The following JARID2 variants were observed in gnomAD, a reference collection of about 807,000 sequenced individuals.
JARID2 encodes jumonji and AT-rich interaction domain containing 2, also known as protein Jumonji.
JARID2 carries 21 observed loss-of-function variants against 125.6 expected under a neutral mutation model. That is an observed-to-expected ratio of 0.17 (90% CI 0.12 to 0.24). The LOEUF (loss-of-function observed/expected upper bound fraction) is 0.24, where lower values mean the gene tolerates loss of function less well. Among genes scored for constraint, JARID2 ranks in the 10% least tolerant of loss-of-function variants. The pLI, the probability that JARID2 is intolerant of heterozygous loss-of-function variation, is 1.00. For synonymous variants in JARID2, 736 were observed against 661.6 expected (o/e 1.11, Z -1.73); for missense variants, 1,303 against 1,639.6 (o/e 0.79, Z 3.55).
At chr6:15,437,418 T>C (rs1017881040) in intron 3 of JARID2, among the ~76,000 whole-genome samples, 1 of 152,232 alleles carries the variant, frequency 6.6e-6, no homozygotes, top group African/African-American at 2.4e-5. Flanking sequence ...CCTTATGCAC[T>C]GTCCTTTACG....
At chr6:15,390,192 T>G (rs1764945009) in intron 2 of JARID2, among the ~76,000 whole-genome samples, 1 of 152,190 alleles carries the variant, frequency 6.6e-6, no homozygotes, top group Non-Finnish European at 1.5e-5. Context: ...CCACTTGCAT[T>G]TCAGTCTGAT....
chr6:15,449,715 G>A (rs185388229), intron 3 of JARID2, among the ~76,000 whole-genome samples: 34 of 152,020 alleles, frequency 2.2e-4, no homozygotes, highest in Non-Finnish European at 1.5e-4. Flanking sequence ...GACCTACATT[G>A]TTTGTAGATT....
At position 15,501,240 on chromosome 6, in the gene JARID2, T is replaced by C. The variant is rs762172293; in HGVS notation, c.2279T>C (p.Leu760Pro). Residue 760 changes from leucine (L) to proline (P), a missense_variant, in exon 8 of 18, where the codon CTC (leucine) becomes CCC (proline). Leu to Pro is a moderately conservative substitution (Grantham distance 98). Transcript: ENST00000341776. ...CCCCGCTTCGAGCCCAAGAATGGGC[T>C]CATCCACGGCGTGGCCCCCAGGAAC... ...PLPRFEPKNG[L>P]IHGVAPRNGF... 6.2e-7 allele frequency: 1 copy of C among 1,613,700 alleles called. No individual in the cohort carries two copies. The highest frequency in any genetic ancestry group is 1.7e-5 in the Admixed American group (1 of 60,016).
chr6:15,473,514 G>GGCCC lies in JARID2; in HGVS notation c.670+4796_670+4797insGCCC, dbSNP rs1769181602. 5.7e-5 allele frequency among the ~76,000 whole-genome samples: 2 copies of GGCCC among 34,998 alleles called. 1 individual carries two copies. Among genetic ancestry groups the GGCCC allele is most frequent in the Admixed American group, 9.0e-4 (2 of 2,234 alleles). The allele number at this position is 34,998 out of a possible 152,430, so 23.0% of individuals were successfully genotyped here. A position where few individuals can be genotyped will look rare whatever the true frequency, so the allele number is the denominator to read the frequency against. On this transcript the variant is annotated intron_variant, in intron 5 of 17. Coordinates refer to ENST00000341776, the MANE Select transcript of JARID2 (RefSeq NM_004973.4). ...GTCTCCCTTGTCTTCTGATGTGCGTGCCCCCCCCCCCCCCCCGCTTTGTGT... is the reference window on the plus strand; with the variant it reads ...GTCTCCCTTGTCTTCTGATGTGCGTGGCCCCCCCCCCCCCCCCCCCGCTTTGTGT...
chr6:15,396,147 C>T (rs947055689), intron 2 of JARID2, among the ~76,000 whole-genome samples: 6 of 152,164 alleles, frequency 3.9e-5, no homozygotes, highest in African/African-American at 1.2e-4. Context: ...ATTCATTAAC[C>T]GGATCACCTT....
At chr6:15,483,003 T>TGAAATTTTTGCCTGA (rs1167668206) in intron 5 of JARID2, among the ~76,000 whole-genome samples, 5 of 152,222 alleles carry the variant, frequency 3.3e-5, no homozygotes, top group African/African-American at 1.2e-4. Context: ...TCTGAAATTC[T>TGAAATTTTTGCCTGA]AATTTTTGCC....
chr6:15,515,335 C>T (rs1044513557), intron 16 of JARID2, among the ~76,000 whole-genome samples: 1 of 152,128 alleles, frequency 6.6e-6, no homozygotes, highest in African/African-American at 2.4e-5. Context: ...CTGGAACACG[C>T]TATTCATTTC....
At chr6:15,466,510 C>T (rs1768747068) in intron 4 of JARID2, among the ~76,000 whole-genome samples, 5 of 152,206 alleles carry the variant, frequency 3.3e-5, no homozygotes, top group Admixed American at 3.3e-4. Context: ...AAGTTCTCTC[C>T]TAATGGTATG....
At chr6:15,287,292 T>C (rs1326014257) in intron 1 of JARID2, among the ~76,000 whole-genome samples, 1 of 152,168 alleles carries the variant, frequency 6.6e-6, no homozygotes, top group Non-Finnish European at 1.5e-5. Context: ...TTAAGTAAAA[T>C]ACCCAGGATT....
rs549001869 is a variant in JARID2, at chr6:15,343,791, A to G, written c.46-30326A>G. 6.6e-5 allele frequency among the ~76,000 whole-genome samples: 10 copies of G among 152,346 alleles called. No individual in the cohort carries two copies. The South Asian group carries it at 1.9e-3, about 28-fold the overall frequency. On this transcript the variant is annotated intron_variant, in intron 1 of 17. Coordinates refer to ENST00000341776, the MANE Select transcript of JARID2 (RefSeq NM_004973.4). ...GATCACAAGACTATAAGCCAGCTAG[A>G]CAAGCAAGTGCTGGTGGTGAGTTGT...
At chr6:15,398,989 A>G (rs757409429) in intron 2 of JARID2, among the ~76,000 whole-genome samples, 1 of 152,164 alleles carries the variant, frequency 6.6e-6, no homozygotes, top group Admixed American at 6.5e-5. Context: ...GGTGCTGTTG[A>G]TCATTGAAGC....
chr6:15,279,232 G>C (rs1760660469), intron 1 of JARID2, among the ~76,000 whole-genome samples: 1 of 152,044 alleles, frequency 6.6e-6, no homozygotes, highest in South Asian at 2.1e-4. Context: ...TGTGTATTCT[G>C]ACTCACAGCT....
At chr6:15,519,124 C>T (rs970406575) in intron 17 of JARID2, among the ~76,000 whole-genome samples, 1 of 152,198 alleles carries the variant, frequency 6.6e-6, no homozygotes, top group African/African-American at 2.4e-5. Flanking sequence ...TGTCGAGCTG[C>T]ACGCAGGGGA....
intron 1 of JARID2, among the ~76,000 whole-genome samples, chr6:15,319,411 G>A (rs944477900): frequency 6.6e-5 from 10 of 151,666 alleles, no homozygotes; most frequent in Admixed American, 3.3e-4. Flanking sequence ...CTTTTTTTTG[G>A]AGACAGAGTT....
At chr6:15,517,983 G>GTGA (rs1459558489) in intron 17 of JARID2, among the ~76,000 whole-genome samples, 8 of 152,230 alleles carry the variant, frequency 5.3e-5, no homozygotes, top group African/African-American at 1.9e-4. Flanking sequence ...TGGTGTGTCT[G>GTGA]GGGGCCCAGG....
intron 16 of JARID2, among the ~76,000 whole-genome samples, chr6:15,514,449 C>T (rs1276220865): frequency 6.6e-6 from 1 of 152,220 alleles, no homozygotes; most frequent in Non-Finnish European, 1.5e-5. Flanking sequence ...CCCCCTTCGG[C>T]TGCACACTCG....
chr6:15,461,231 T>C (rs1768433898), intron 4 of JARID2, among the ~76,000 whole-genome samples: 1 of 152,188 alleles, frequency 6.6e-6, no homozygotes, highest in Non-Finnish European at 1.5e-5. Flanking sequence ...CGTTACAGTT[T>C]TCAATGACAA....
intron 1 of JARID2, among the ~76,000 whole-genome samples, chr6:15,340,972 C>T (rs908794003): frequency 1.3e-5 from 2 of 152,116 alleles, no homozygotes; most frequent in East Asian, 1.9e-4. Context: ...AAGCAGGAAG[C>T]GGTGCTAATA....
chr6:15,406,040 A>G (rs1765635498), intron 2 of JARID2, among the ~76,000 whole-genome samples: 1 of 152,196 alleles, frequency 6.6e-6, no homozygotes, highest in South Asian at 2.1e-4. Context: ...ATAAATGTAA[A>G]TGTTTTCTGG....
Sources: gnomAD v4.1 joint callset for allele counts (sites outside exome capture counted in the v4.1 genomes callset) on GRCh38, gnomAD v4.1.1 for gene constraint, MANE v1.5 for transcripts, NCBI Gene and HGNC (gene_info 2026-07-23, HGNC 2026-07-21) for gene names.